The following OPCML variants were observed in gnomAD, a reference collection of about 807,000 sequenced individuals.
OPCML encodes the protein opioid binding protein/cell adhesion molecule like, also known as opioid-binding protein/cell adhesion molecule.
OPCML carries 13 observed loss-of-function variants against 37.8 expected under a neutral mutation model. The ratio of observed to expected loss-of-function variants is 0.34; its 90% confidence interval spans 0.22 to 0.55. The LOEUF is 0.55. Ranked by LOEUF, OPCML falls within the 20% of genes least tolerant of loss-of-function variation. The pLI is 0.91. For missense variants in OPCML, 341 were observed against 435.6 expected, an observed-to-expected ratio of 0.78 and a Z score of 1.93; for synonymous variants, 176 against 168.8, an observed-to-expected ratio of 1.04 and a Z score of -0.33.
rs1051047525 is a variant in OPCML, at chr11:133,285,857, A to C, written c.61+246407T>G. ...GGCCCTGCACATTCTGTAAGGCTGC[A>C]GTACAAAGATGTGAACAGTAAAACG... On this transcript the variant is annotated intron_variant, in intron 1 of 7. Transcript: ENST00000524381. Among the ~76,000 whole-genome samples the C allele has an allele frequency of 2.0e-5, 3 of 152,360 alleles. 1 individual carries two copies. Among genetic ancestry groups the C allele is most frequent in the African/African-American group, 2.4e-5 (1 of 41,598 alleles).
At chr11:132,846,447 T>C (rs994780283) in intron 2 of OPCML, among the ~76,000 whole-genome samples, 1 of 152,220 alleles carries the variant, frequency 6.6e-6, no homozygotes, top group African/African-American at 2.4e-5. Context: ...GCTCTTTTTA[T>C]GCCTCCCTCA....
At chr11:132,894,588 T>C (rs1451064506) in intron 2 of OPCML, among the ~76,000 whole-genome samples, 1 of 152,200 alleles carries the variant, frequency 6.6e-6, no homozygotes, top group Non-Finnish European at 1.5e-5. Flanking sequence ...GGGATGTGTC[T>C]GTAAGGGAGT....
At chr11:132,702,618 A>C (rs1324953988) in intron 2 of OPCML, among the ~76,000 whole-genome samples, 1 of 152,042 alleles carries the variant, frequency 6.6e-6, no homozygotes, top group Non-Finnish European at 1.5e-5. Context: ...AGATTTGGGA[A>C]GTTTTTTGTC....
chr11:132,847,567 T>C (rs1941604979), intron 2 of OPCML, among the ~76,000 whole-genome samples: 1 of 152,190 alleles, frequency 6.6e-6, no homozygotes, highest in Non-Finnish European at 1.5e-5. Flanking sequence ...AGTATTCTCA[T>C]GACTCCTAAA....
chr11:132,543,414 G>C (rs1303815911), intron 3 of OPCML, among the ~76,000 whole-genome samples: 1 of 152,100 alleles, frequency 6.6e-6, no homozygotes, highest in African/African-American at 2.4e-5. Context: ...TCGGGAGACT[G>C]AGGCAGGAGA....
chr11:133,277,584 G>C (rs1027867819), intron 1 of OPCML, among the ~76,000 whole-genome samples: 54 of 152,132 alleles, frequency 3.5e-4, no homozygotes, highest in African/African-American at 1.3e-3. Context: ...TCACCTTTAA[G>C]TCACCTTTAA....
intron 3 of OPCML, among the ~76,000 whole-genome samples, chr11:132,572,109 GC>G (rs2096440056): frequency 6.8e-6 from 1 of 147,182 alleles, no homozygotes; most frequent in Non-Finnish European, 1.5e-5. Context: ...TTTAAATCAT[GC>G]TTTTTTTTTT....
chr11:132,835,054 T>C (rs1186656578), intron 2 of OPCML, among the ~76,000 whole-genome samples: 1 of 151,422 alleles, frequency 6.6e-6, no homozygotes, highest in African/African-American at 2.4e-5. Flanking sequence ...ACTTCTACTC[T>C]GCAGGGTCAT....
intron 1 of OPCML, among the ~76,000 whole-genome samples, chr11:133,482,261 A>G (rs1947389329): frequency 6.6e-6 from 1 of 152,192 alleles, no homozygotes; most frequent in African/African-American, 2.4e-5. Context: ...TGACATGGGA[A>G]GAGAACATCT....
At chr11:132,621,076 T>C (rs145922115) in intron 3 of OPCML, among the ~76,000 whole-genome samples, 10 of 152,386 alleles carry the variant, frequency 6.6e-5, no homozygotes, top group Admixed American at 1.3e-4. Context: ...TTTTGAAGGA[T>C]TGGTGCATTT....
chr11:132,951,359 G>C (rs1384850846), intron 1 of OPCML, among the ~76,000 whole-genome samples: 1 of 152,172 alleles, frequency 6.6e-6, no homozygotes, highest in Non-Finnish European at 1.5e-5. Flanking sequence ...TTTCTGGCTT[G>C]AGACAGCTAC....
chr11:132,833,821 G>A (rs11223236), intron 2 of OPCML, among the ~76,000 whole-genome samples: 4,942 of 152,270 alleles, frequency 0.032, 98 homozygotes, highest in Middle Eastern at 0.071. Context: ...ACATCGTTAC[G>A]CAGCACTGTA....
At chr11:132,845,739 A>G (rs558530535) in intron 2 of OPCML, among the ~76,000 whole-genome samples, 1 of 152,282 alleles carries the variant, frequency 6.6e-6, no homozygotes, top group South Asian at 2.1e-4. Context: ...TGTCACTATT[A>G]GAGACATTGA....
chr11:133,504,349 T>G (rs1258909633), intron 1 of OPCML, among the ~76,000 whole-genome samples: 1 of 152,172 alleles, frequency 6.6e-6, no homozygotes. Context: ...CTGGATGAGG[T>G]TCACAAAGTC....
At chr11:133,350,026 C>T (rs1944095195) in intron 1 of OPCML, among the ~76,000 whole-genome samples, 1 of 152,168 alleles carries the variant, frequency 6.6e-6, no homozygotes, top group Non-Finnish European at 1.5e-5. Context: ...TGCAGAGGAG[C>T]CCACAGAGCC....
At chr11:132,476,607 G>A (rs943077526) in intron 4 of OPCML, among the ~76,000 whole-genome samples, 13 of 151,870 alleles carry the variant, frequency 8.6e-5, no homozygotes, top group Non-Finnish European at 1.3e-4. Context: ...CCCAAACACC[G>A]CATGTTCTCA....
intron 4 of OPCML, among the ~76,000 whole-genome samples, chr11:132,508,828 C>T (rs1245747126): frequency 6.6e-6 from 1 of 152,076 alleles, no homozygotes; most frequent in Non-Finnish European, 1.5e-5. Context: ...TTGGGTATGT[C>T]TTTATCAGCA....
intron 1 of OPCML, among the ~76,000 whole-genome samples, chr11:133,282,277 G>C (rs555580598): frequency 2.8e-4 from 42 of 152,326 alleles, no homozygotes; most frequent in Admixed American, 5.9e-4. Flanking sequence ...ACTGTCCTGA[G>C]CAATCTCCAG....
At chr11:133,013,134 T>C (rs1947252615) in intron 1 of OPCML, among the ~76,000 whole-genome samples, 1 of 152,196 alleles carries the variant, frequency 6.6e-6, no homozygotes, top group Non-Finnish European at 1.5e-5. Context: ...ACTAGGACCA[T>C]TTTTCCGGTG....
Sources: gnomAD v4.1 joint callset for allele counts (sites outside exome capture counted in the v4.1 genomes callset) on GRCh38, gnomAD v4.1.1 for gene constraint, MANE v1.5 for transcripts, NCBI Gene and HGNC (gene_info 2026-07-23, HGNC 2026-07-21) for gene names.